Variants in KCNK9 observed in about 807,000 individuals in gnomAD.
KCNK9 encodes the protein potassium two pore domain channel subfamily K member 9.
KCNK9 carries 1 observed loss-of-function variant against 10.8 expected under a neutral mutation model. The ratio of observed to expected loss-of-function variants is 0.09; its 90% CI spans 0.03 to 0.44. The LOEUF is 0.44. KCNK9 is among the 20% of genes least tolerant of loss of function. The pLI is 0.97. For synonymous variants in KCNK9, 231 were observed against 222.7 expected (o/e 1.04, Z -0.33); for missense variants, 303 against 515.0 (o/e 0.59, Z 3.98).
At chr8:139,665,877 C>T (rs1816286259) in intron 1 of KCNK9, among the ~76,000 whole-genome samples, 1 of 152,240 alleles carries the variant, frequency 6.6e-6, no homozygotes, top group South Asian at 2.1e-4. Context: ...GAAGCTGGCA[C>T]TGCTGGCCCA....
intron 1 of KCNK9, among the ~76,000 whole-genome samples, chr8:139,695,827 T>C (rs963742024): frequency 7.9e-5 from 12 of 152,170 alleles, no homozygotes; most frequent in Non-Finnish European, 1.6e-4. Context: ...TCTTTCTCCA[T>C]GTTTCCCTCA....
At chr8:139,671,000 A>T (rs1314191749) in intron 1 of KCNK9, among the ~76,000 whole-genome samples, 1 of 152,112 alleles carries the variant, frequency 6.6e-6, no homozygotes, top group Non-Finnish European at 1.5e-5. Flanking sequence ...CCCCCAAGCC[A>T]TGCGGAGAAC....
chr8:139,641,999 C>A (rs1240435176), intron 1 of KCNK9, among the ~76,000 whole-genome samples: 2 of 152,222 alleles, frequency 1.3e-5, no homozygotes, highest in African/African-American at 4.8e-5. Context: ...GCCAGCCAGC[C>A]ATAGCCCGGT....
Position 139,617,759 on chromosome 8 carries a change from C to T in KCNK9, c.*499G>A, listed in dbSNP as rs986456924. ...ATACTTCCCGTTTTGTCACGACACACGTGCACACAGAAGCACACACACAAC... is the reference window on the plus strand; with the variant it reads ...ATACTTCCCGTTTTGTCACGACACATGTGCACACAGAAGCACACACACAAC... On this transcript the variant is annotated 3_prime_UTR_variant, in exon 2 of 2. Transcript: ENST00000520439. 5.3e-5 allele frequency among the ~76,000 whole-genome samples: 8 copies of T among 152,198 alleles called. No homozygotes were observed. Among genetic ancestry groups the T allele is most frequent in the African/African-American group, 1.9e-4 (8 of 41,434 alleles).
chr8:139,669,947 T>G (rs189076898), intron 1 of KCNK9, among the ~76,000 whole-genome samples: 3 of 152,206 alleles, frequency 2.0e-5, no homozygotes, highest in Non-Finnish European at 4.4e-5. Flanking sequence ...CATTAATCTC[T>G]TTGTACATCT....
chr8:139,688,777 C>G (rs1586694138), intron 1 of KCNK9, among the ~76,000 whole-genome samples: 1 of 152,332 alleles, frequency 6.6e-6, no homozygotes, highest in East Asian at 1.9e-4. Context: ...AACTCAGATT[C>G]ATACATTTGA....
intron 1 of KCNK9, among the ~76,000 whole-genome samples, chr8:139,653,677 A>G (rs781141592): frequency 3.3e-5 from 5 of 152,212 alleles, no homozygotes; most frequent in Admixed American, 3.3e-4. Flanking sequence ...CACTTGTTTA[A>G]TAGATACTCA....
At chr8:139,678,948 G>A (rs1168667136) in intron 1 of KCNK9, among the ~76,000 whole-genome samples, 1 of 152,250 alleles carries the variant, frequency 6.6e-6, no homozygotes, top group Non-Finnish European at 1.5e-5. Context: ...CTGTGCAGAG[G>A]CTTGGGCCTG....
At chr8:139,676,952 A>AAAAC (rs200581893) in intron 1 of KCNK9, among the ~76,000 whole-genome samples, 13 of 152,214 alleles carry the variant, frequency 8.5e-5, no homozygotes, top group Admixed American at 1.3e-4. Context: ...ACTGTCTCAA[A>AAAAC]AAACAAACAA....
intron 1 of KCNK9, among the ~76,000 whole-genome samples, chr8:139,634,770 G>GAGGGGA (rs1213467843): frequency 6.6e-6 from 1 of 152,188 alleles, no homozygotes; most frequent in African/African-American, 2.4e-5. Context: ...GATTGAAACT[G>GAGGGGA]AGGGGAAGGG....
chr8:139,681,969 G>A (rs1398169849), intron 1 of KCNK9, among the ~76,000 whole-genome samples: 5 of 152,184 alleles, frequency 3.3e-5, no homozygotes, highest in African/African-American at 4.8e-5. Context: ...GGAAGCTTCC[G>A]GTGGCACCAC....
chr8:139,654,507 C>A (rs964486987), intron 1 of KCNK9, among the ~76,000 whole-genome samples: 1 of 152,322 alleles, frequency 6.6e-6, no homozygotes, highest in African/African-American at 2.4e-5. Context: ...ATGATCCCCA[C>A]AACCAGACAA....
At chr8:139,649,860 GA>G (rs1311161495) in intron 1 of KCNK9, among the ~76,000 whole-genome samples, 1 of 152,224 alleles carries the variant, frequency 6.6e-6, no homozygotes, top group African/African-American at 2.4e-5. Flanking sequence ...GGTACTGTCC[GA>G]AAGGCAATTA....
At chr8:139,626,954 C>T (rs1405203487) in intron 1 of KCNK9, among the ~76,000 whole-genome samples, 7 of 152,296 alleles carry the variant, frequency 4.6e-5, no homozygotes, top group East Asian at 1.9e-4. Context: ...CCATGAGCTT[C>T]GGCCCCGCTC....
intron 1 of KCNK9, among the ~76,000 whole-genome samples, chr8:139,622,677 G>T (rs117467256): frequency 0.012 from 1,897 of 152,308 alleles, 15 homozygotes; most frequent in Non-Finnish European, 0.02. Context: ...ATCATTCAGT[G>T]TGAGAGTGCT....
At chr8:139,623,081 C>T (rs958510730) in intron 1 of KCNK9, among the ~76,000 whole-genome samples, 13 of 152,176 alleles carry the variant, frequency 8.5e-5, no homozygotes, top group African/African-American at 3.1e-4. Context: ...CTGCAGACTG[C>T]ACGTTTTAGT....
chr8:139,622,587 G>T (rs1814824324), intron 1 of KCNK9, among the ~76,000 whole-genome samples: 1 of 152,150 alleles, frequency 6.6e-6, no homozygotes, highest in Non-Finnish European at 1.5e-5. Flanking sequence ...GCTCTCCACT[G>T]GTGCTCCACA....
At chr8:139,660,959 A>G (rs888551197) in intron 1 of KCNK9, among the ~76,000 whole-genome samples, 2 of 152,148 alleles carry the variant, frequency 1.3e-5, no homozygotes, top group African/African-American at 2.4e-5. Flanking sequence ...CCAGCTTGTG[A>G]CAGGCACCAG....
intron 2 of KCNK9, among the ~76,000 whole-genome samples, chr8:139,604,285 C>T (rs918306680): frequency 4.6e-5 from 7 of 152,210 alleles, no homozygotes; most frequent in African/African-American, 1.7e-4. Context: ...GGGGCTCATG[C>T]TTCCCTGGGG....
Sources: gnomAD v4.1 joint callset for allele counts (sites outside exome capture counted in the v4.1 genomes callset) on GRCh38, gnomAD v4.1.1 for gene constraint, MANE v1.5 for transcripts, NCBI Gene and HGNC (gene_info 2026-07-23, HGNC 2026-07-21) for gene names.